Variants in ITPKC observed in about 807,000 individuals in gnomAD.
The protein encoded by ITPKC is inositol-trisphosphate 3-kinase C.
ITPKC carries 33 observed loss-of-function variants against 67.1 expected under a neutral mutation model. The ratio of observed to expected loss-of-function variants is 0.49; its 90% confidence interval spans 0.37 to 0.66. ITPKC has a LOEUF of 0.66. Among genes scored for constraint, ITPKC ranks in the 30% least tolerant of loss-of-function variants. ITPKC has a pLI of 0.00. For synonymous variants in ITPKC, 341 were observed against 359.8 expected (o/e 0.95, Z 0.59); for missense variants, 820 against 892.1 (o/e 0.92, Z 1.03).
intron 1 of ITPKC, among the ~76,000 whole-genome samples, chr19:40,724,874 G>A (rs2082238578): frequency 6.6e-6 from 1 of 151,586 alleles, no homozygotes; most frequent in South Asian, 2.1e-4. Context: ...CTTGAACCTC[G>A]GAGGCAGAGG....
chr19:40,720,311 G>C (rs2082215529), intron 1 of ITPKC, among the ~76,000 whole-genome samples: 1 of 151,416 alleles, frequency 6.6e-6, no homozygotes, highest in Non-Finnish European at 1.5e-5. Context: ...AGGTTGCAGT[G>C]AGCCGAGATT....
intron 1 of ITPKC, among the ~76,000 whole-genome samples, chr19:40,719,080 G>A (rs2082208661): frequency 6.6e-6 from 1 of 152,188 alleles, no homozygotes; most frequent in Admixed American, 6.5e-5. Flanking sequence ...GCTGGGAGCC[G>A]TGGGGCTGGG....
At position 40,717,329 on chromosome 19, in the gene ITPKC, C is replaced by T. The variant is rs1229046255; in HGVS notation, c.194C>T (p.Ser65Phe). The T allele has an allele frequency of 6.3e-7, 1 of 1,598,744 alleles. No individual in the cohort carries two copies. Residue 65 changes from serine to phenylalanine, a missense_variant, in exon 1 of 7, where the codon TCC becomes TTC. By Grantham distance (155) the Ser-to-Phe change is radical. This residue lies in a region of ITPKC where 481 missense variants were observed against 470.1 expected (regional missense o/e 1.02). Transcript: ENST00000263370. ...GGGCCCTGGGCCCGGACAGAGGGGT[C>T]CAGCCTCCACAGCGAGCCTGAGAGG... ...GGGPWARTEGSSLHSEPERAG... is the reference protein window; with the variant it reads ...GGGPWARTEGFSLHSEPERAG...
intron 2 of ITPKC, 94 bp downstream of exon 2, chr19:40,725,533 G>C: frequency 1.1e-6 from 1 of 876,890 alleles, no homozygotes; most frequent in Non-Finnish European, 1.9e-6. Context: ...CTAGTGATGG[G>C]CTTGGTGACA....
At chr19:40,736,885 G>T in intron 4 of ITPKC, 101 bp from the exon 5 acceptor site, 1 of 689,166 alleles carries the variant, frequency 1.5e-6, no homozygotes, top group Non-Finnish European at 2.6e-6. Flanking sequence ...GGCTGGTCTT[G>T]GCCACCGCGC....
intron 5 of ITPKC, among the ~76,000 whole-genome samples, chr19:40,737,479 G>A (rs538636921): frequency 6.6e-6 from 1 of 152,324 alleles, no homozygotes; most frequent in Non-Finnish European, 1.5e-5. Flanking sequence ...CTCCGCCTCC[G>A]GATGGGAGTG....
At chr19:40,737,808 C>G in intron 6 of ITPKC, 39 bp downstream of exon 6, 1 of 1,543,450 alleles carries the variant, frequency 6.5e-7, no homozygotes, top group Non-Finnish European at 9.0e-7. Flanking sequence ...GTATGGGTGT[C>G]GGGGTCCAGG....
rs1698292221 is a variant in ITPKC at position 40,737,782 on chromosome 19, G to C, written c.1848+13G>C. ...CAAGACCCACGAGGTGCGAGCCCTG[G>C]CTTCCATGGGTGGATGTATGGGTGT... On this transcript the variant is annotated intron_variant, in intron 6 of 6. Coordinates refer to ENST00000263370, the MANE Select transcript of ITPKC (RefSeq NM_025194.3). 6.2e-6 allele frequency: 10 copies of C among 1,610,552 alleles called. No individual in the cohort carries two copies. The highest frequency in any genetic ancestry group is 8.5e-6 in the Non-Finnish European group (10 of 1,176,788).
intron 1 of ITPKC, among the ~76,000 whole-genome samples, chr19:40,720,798 G>A (rs576316153): frequency 7.2e-5 from 11 of 152,162 alleles, no homozygotes; most frequent in East Asian, 5.8e-4. Context: ...TGCTCAAGCC[G>A]TTCCCACTGC....
rs1406765152 is a variant in ITPKC at position 40,740,858 on chromosome 19, CA to C, written c.*1300del. ...CCCCAATAAACAGAACATTCAGAGC[CA>C]ATGTCGTAGAGCTTTTTATTTTGCA... On this transcript the variant is annotated 3_prime_UTR_variant, in exon 7 of 7. Transcript: ENST00000263370. The C allele has an allele frequency of 1.0e-5, 4 of 397,566 alleles. No homozygotes were observed. The East Asian group carries it at 1.4e-4, about 14-fold the overall frequency. The allele number at this position is 397,566 out of a possible 1,614,324, so 24.6% of individuals were successfully genotyped here.
At chr19:40,734,651 C>A (rs1479909007) in intron 4 of ITPKC, among the ~76,000 whole-genome samples, 3 of 152,066 alleles carry the variant, frequency 2.0e-5, no homozygotes, top group Non-Finnish European at 2.9e-5. Flanking sequence ...CTCTGTCACC[C>A]AGGCTAGAGT....
At position 40,739,663 on chromosome 19, in the gene ITPKC, C is replaced by T; in HGVS notation, c.*103C>T. 6 of 1,007,458 alleles carry T rather than the reference C, an allele frequency of 6.0e-6. No individual in the cohort carries two copies. The highest frequency in any genetic ancestry group is 8.8e-6 in the Non-Finnish European group (6 of 684,642). The allele number at this position is 1,007,458 out of a possible 1,614,324, so 62.4% of individuals were successfully genotyped here. ...GGTTGGCCACGGGGGAGCTGGCCTC[C>T]AGGGACGGGAGAGATTGTGTCATGT... is the stretch of plus-strand genomic sequence containing the variant. On this transcript the variant is annotated 3_prime_UTR_variant, in exon 7 of 7. Coordinates refer to ENST00000263370, the MANE Select transcript of ITPKC (RefSeq NM_025194.3).
rs1196915881 is a variant in ITPKC at position 40,717,704 on chromosome 19, CCTGGG to C, written c.573_577del (p.Trp191Ter). On this transcript the variant is annotated frameshift_variant, in exon 1 of 7. Coordinates refer to ENST00000263370, the MANE Select transcript of ITPKC (RefSeq NM_025194.3). LOFTEE classifies it high-confidence loss of function. ...CAGACTCAGCCAGAGAGGGTCAAGTCCTGGGCTGATAACCTCTGGACCCACCAGAA... is the reference window on the plus strand; with the variant it reads ...CAGACTCAGCCAGAGAGGGTCAAGTCCTGATAACCTCTGGACCCACCAGAA... 1 of 1,614,066 alleles carries C rather than the reference CCTGGG, an allele frequency of 6.2e-7. No homozygotes were observed. The highest frequency in any genetic ancestry group is 8.5e-7 in the Non-Finnish European group (1 of 1,179,998).
Position 40,739,908 on chromosome 19 carries a change from C to T in ITPKC, c.*348C>T, listed in dbSNP as rs2082316189. ...TCACAGGGTATGGTGTGACAGGGTG[C>T]CTGTGGACACATGAATCACTTCTAA... On this transcript the variant is annotated 3_prime_UTR_variant, in exon 7 of 7. Transcript: ENST00000263370. The T allele has an allele frequency of 3.5e-6, 1 of 288,454 alleles. No homozygotes were observed. Among genetic ancestry groups the T allele is most frequent in the South Asian group, 4.3e-5 (1 of 23,502 alleles). 17.9% of individuals were successfully genotyped at this position (288,454 alleles called of 1,614,324 possible). A position where few individuals can be genotyped will look rare whatever the true frequency, so the allele number is the denominator to read the frequency against.
intron 6 of ITPKC, 104 bp from the exon 7 acceptor site, chr19:40,739,253 G>A: frequency 1.3e-6 from 1 of 788,926 alleles, no homozygotes; most frequent in Admixed American, 2.6e-5. Flanking sequence ...CAGGCAGCCA[G>A]GCTCCAGGGT....
chr19:40,735,798 T>C (rs1458399745), intron 4 of ITPKC, among the ~76,000 whole-genome samples: 1 of 152,220 alleles, frequency 6.6e-6, no homozygotes, highest in Non-Finnish European at 1.5e-5. Context: ...CTCTGAGCCC[T>C]ACTGAAACAT....
intron 3 of ITPKC, 42 bp downstream of exon 3, chr19:40,729,457 G>C: frequency 2.6e-6 from 4 of 1,549,008 alleles, no homozygotes; most frequent in Non-Finnish European, 3.5e-6. Context: ...GAGGGCAGGG[G>C]GTGGGCATTA....
chr19:40,720,638 T>G (rs1403571447), intron 1 of ITPKC, among the ~76,000 whole-genome samples: 1 of 152,106 alleles, frequency 6.6e-6, no homozygotes, highest in Non-Finnish European at 1.5e-5. Context: ...CTGAGAGCAG[T>G]CAGGGGCTCA....
At chr19:40,736,597 G>A (rs1158745495) in intron 4 of ITPKC, among the ~76,000 whole-genome samples, 1 of 151,980 alleles carries the variant, frequency 6.6e-6, no homozygotes, top group Non-Finnish European at 1.5e-5. Flanking sequence ...TCTGCCTCCC[G>A]GGTTTAAGCG....
Sources: allele counts gnomAD v4.1 joint callset (sites outside exome capture counted in the v4.1 genomes callset), GRCh38; gene constraint gnomAD v4.1.1; regional missense constraint gnomAD v4.1.1; transcripts MANE v1.5; gene names NCBI Gene and HGNC (gene_info 2026-07-23, HGNC 2026-07-21).